Variants in UBR1 observed in about 807,000 individuals in gnomAD.
UBR1 encodes ubiquitin protein ligase E3 component n-recognin 1, also known as E3 ubiquitin-protein ligase UBR1.
Under a neutral mutation model 242.1 loss-of-function variants are expected in UBR1, and 102 were observed. The ratio of observed to expected loss-of-function variants is 0.42; its 90% confidence interval spans 0.36 to 0.50. The LOEUF (loss-of-function observed/expected upper bound fraction) is 0.50, where lower values mean the gene tolerates loss of function less well. Ranked by LOEUF, UBR1 falls within the 20% of genes least tolerant of loss-of-function variation. UBR1 has a pLI of 0.01. For missense variants in UBR1, 1,772 were observed against 2,101.8 expected, an observed-to-expected ratio of 0.84 and a Z score of 3.07; for synonymous variants, 675 against 684.8, an observed-to-expected ratio of 0.99 and a Z score of 0.22.
rs536107907 is a variant in UBR1, at chr15:42,999,604, G to C, written c.3660-1339C>G. 2.0e-5 allele frequency among the ~76,000 whole-genome samples: 3 copies of C among 152,206 alleles called. No homozygotes were observed. The East Asian group carries it at 5.8e-4, about 29-fold the overall frequency. On this transcript the variant is annotated intron_variant, in intron 32 of 46. Transcript: ENST00000290650. ...GTACTTTGAGAGGCTGAGGTGAGTG[G>C]GTCGCTTGAGCCCAGGAGTTAGAGA...
intron 35 of UBR1, among the ~76,000 whole-genome samples, chr15:42,985,421 C>T (rs545591012): frequency 1.1e-4 from 17 of 152,150 alleles, no homozygotes; most frequent in East Asian, 9.7e-4. Context: ...GGCGCGATCT[C>T]GGCTCACTGC....
intron 21 of UBR1, among the ~76,000 whole-genome samples, chr15:43,029,242 C>T (rs75744342): frequency 0.026 from 3,968 of 152,204 alleles, 165 homozygotes; most frequent in African/African-American, 0.089. Flanking sequence ...AGGGAAAAAA[C>T]ATGAGACTCA....
intron 29 of UBR1, among the ~76,000 whole-genome samples, chr15:43,014,925 GGT>G: frequency 6.8e-6 from 1 of 146,306 alleles, no homozygotes; most frequent in East Asian, 2.1e-4. Context: ...CCGGGAGGGA[GGT>G]GTGGGTCAGC....
chr15:43,043,093 G>C (rs1261340062), intron 15 of UBR1, 122 bp downstream of exon 15: 1 of 1,074,990 alleles, frequency 9.3e-7, no homozygotes, highest in Non-Finnish European at 1.4e-6. Context: ...CTTAACTGCA[G>C]TATCTGACCT....
intron 1 of UBR1, among the ~76,000 whole-genome samples, chr15:43,086,700 CT>C (rs1156554924): frequency 1.3e-5 from 2 of 152,282 alleles, no homozygotes; most frequent in African/African-American, 4.8e-5. Flanking sequence ...GAAGTAAAAC[CT>C]TCTGCTCTTT....
intron 33 of UBR1, among the ~76,000 whole-genome samples, chr15:42,995,781 T>C (rs1367338449): frequency 2.6e-5 from 4 of 152,154 alleles, no homozygotes; most frequent in Admixed American, 1.3e-4. Flanking sequence ...ACCCAACAGA[T>C]TGTTATCTCA....
intron 2 of UBR1, 32 bp downstream of exon 2, chr15:43,085,952 T>A (rs1340282546): frequency 1.3e-6 from 2 of 1,593,006 alleles, no homozygotes; most frequent in Non-Finnish European, 1.7e-6. Context: ...TTTTAATAAT[T>A]ATAATCAATC....
At chr15:43,061,548 TACATACACAC>T (rs1028460287) in intron 6 of UBR1, among the ~76,000 whole-genome samples, 3 of 150,014 alleles carry the variant, frequency 2.0e-5, no homozygotes, top group African/African-American at 7.6e-5. Context: ...CACATACACA[TACATACACAC>T]ACATATGTAT....
chr15:43,105,912 G>T (rs761565626), intron 1 of UBR1, 30 bp downstream of exon 1: 30 of 1,607,882 alleles, frequency 1.9e-5, no homozygotes, highest in Admixed American at 1.0e-4. Context: ...CCGGGGGGAG[G>T]ACAAAAGAGA....
At chr15:43,058,206 G>A in intron 10 of UBR1, 135 bp downstream of exon 10, 2 of 701,826 alleles carry the variant, frequency 2.8e-6, no homozygotes, top group Non-Finnish European at 4.7e-6. Context: ...CAACCCGCAG[G>A]GCCAAGAACA....
chr15:43,018,634 AC>A (rs2033062553), intron 27 of UBR1, among the ~76,000 whole-genome samples: 1 of 151,982 alleles, frequency 6.6e-6, no homozygotes, highest in African/African-American at 2.4e-5. Context: ...CAAGCAAGCC[AC>A]CCACCTTAGC....
At chr15:42,961,196 T>G (rs904611857) in intron 42 of UBR1, among the ~76,000 whole-genome samples, 1 of 144,284 alleles carries the variant, frequency 6.9e-6, no homozygotes, top group Admixed American at 7.0e-5. Context: ...CACTGCAACC[T>G]CCATCTCCCG....
intron 45 of UBR1, among the ~76,000 whole-genome samples, chr15:42,951,616 A>G (rs2031835332): frequency 6.6e-6 from 1 of 152,222 alleles, no homozygotes; most frequent in African/African-American, 2.4e-5. Context: ...AGGACAATCT[A>G]AAGTAAAAAT....
chr15:43,031,228 G>A (rs1290654367), intron 20 of UBR1, among the ~76,000 whole-genome samples: 1 of 151,396 alleles, frequency 6.6e-6, no homozygotes, highest in Non-Finnish European at 1.5e-5. Context: ...CTCAGGAGCA[G>A]AGCAAGTATT....
chr15:43,013,864 C>A (rs2032963337), intron 29 of UBR1, among the ~76,000 whole-genome samples: 1 of 152,056 alleles, frequency 6.6e-6, no homozygotes, highest in Admixed American at 6.6e-5. Flanking sequence ...CTCTCCTCCT[C>A]CCCTTCCCCC....
chr15:43,076,175 T>A (rs1401774293), intron 3 of UBR1, among the ~76,000 whole-genome samples: 1 of 133,468 alleles, frequency 7.5e-6, no homozygotes, highest in Admixed American at 7.9e-5. Flanking sequence ...GGAGACGGGG[T>A]TTTGCTGTGT....
intron 42 of UBR1, among the ~76,000 whole-genome samples, chr15:42,963,451 T>C (rs1233612457): frequency 2.0e-5 from 3 of 152,092 alleles, no homozygotes; most frequent in Non-Finnish European, 2.9e-5. Context: ...CAGTAACCAA[T>C]AGGGTAAAAA....
chr15:42,986,896 G>T (rs1021429567), intron 35 of UBR1, among the ~76,000 whole-genome samples: 3 of 152,238 alleles, frequency 2.0e-5, no homozygotes, highest in Admixed American at 6.5e-5. Flanking sequence ...CCCACCCGGA[G>T]CTTCCCTGGG....
In UBR1 at chr15:42,945,384, G is replaced by A. The variant is rs1183984866; in HGVS notation, c.5195C>T (p.Ala1732Val). 6.2e-7 allele frequency: 1 copy of A among 1,614,022 alleles called. No homozygotes were observed. Among genetic ancestry groups the A allele is most frequent in the Non-Finnish European group, 8.5e-7 (1 of 1,180,036 alleles). ...WQQHCIIEEI[A>V]RSQETNQMLF... is the part of the protein sequence containing the mutation. Reference sequence around the variant, plus strand: ...CATCTGATTAGTCTCTTGGCTCCTAGCAATCTCTTCTATAATGCAGTGTTG... The same window carrying A: ...CATCTGATTAGTCTCTTGGCTCCTAACAATCTCTTCTATAATGCAGTGTTG... Residue 1732 changes from alanine (A) to valine (V), a missense_variant, in exon 47 of 47, where the codon GCT becomes GTT. Coordinates refer to ENST00000290650, the MANE Select transcript of UBR1 (RefSeq NM_174916.3).
Sources: allele counts gnomAD v4.1 joint callset (sites outside exome capture counted in the v4.1 genomes callset), GRCh38; gene constraint gnomAD v4.1.1; transcripts MANE v1.5; gene names NCBI Gene and HGNC (gene_info 2026-07-23, HGNC 2026-07-21).